ROCK1: variants seen among roughly 807,000 people sequenced by gnomAD.
ROCK1 encodes rho-associated protein kinase 1.
A neutral mutation model predicts 196.8 loss-of-function variants in ROCK1; 36 were observed. The observed-to-expected ratio is 0.18, with a 90% CI of 0.14 to 0.24. ROCK1 has a LOEUF of 0.24. Ranked by LOEUF, ROCK1 falls within the 10% of genes least tolerant of loss-of-function variation. ROCK1 has a pLI of 1.00. For synonymous variants in ROCK1, 443 were observed against 515.9 expected (o/e 0.86, Z 1.91); for missense variants, 920 against 1,562.0 (o/e 0.59, Z 6.93).
At chr18:21,015,873 G>C (rs1019027199) in intron 12 of ROCK1, among the ~76,000 whole-genome samples, 7 of 151,744 alleles carry the variant, frequency 4.6e-5, no homozygotes, top group African/African-American at 1.7e-4. Flanking sequence ...CCAGCTATTT[G>C]GGAGGCCAAG....
intron 2 of ROCK1, among the ~76,000 whole-genome samples, chr18:21,066,503 G>A (rs1156359076): frequency 1.3e-5 from 2 of 152,014 alleles, no homozygotes. Flanking sequence ...GATGCTTTTT[G>A]TATATAGATT....
intron 17 of ROCK1, among the ~76,000 whole-genome samples, chr18:20,992,063 G>A (rs2035631580): frequency 6.6e-6 from 1 of 152,154 alleles, no homozygotes; most frequent in Admixed American, 6.5e-5. Flanking sequence ...AAAGTATCCT[G>A]TGGCAAGTCA....
At chr18:21,076,827 T>G (rs912921726) in intron 1 of ROCK1, among the ~76,000 whole-genome samples, 1 of 152,144 alleles carries the variant, frequency 6.6e-6, no homozygotes, top group Admixed American at 6.5e-5. Flanking sequence ...AGGTCTGCAA[T>G]AGTTCTGGAA....
chr18:21,111,805 G>A lies in ROCK1; in HGVS notation c.-895C>T, dbSNP rs11874761. 0.15 allele frequency: 22,934 copies of A among 151,974 alleles called. 3,772 individuals carry two copies. The highest frequency in any genetic ancestry group is 0.4 in the African/African-American group (16,672 of 41,308). The allele number at this position is 151,974 out of a possible 1,614,324, so 9.4% of individuals were successfully genotyped here. A position where few individuals can be genotyped will look rare whatever the true frequency, so the allele number is the denominator to read the frequency against. On this transcript the variant is annotated 5_prime_UTR_variant, in exon 1 of 33. Transcript: ENST00000399799. The surrounding 1 kb of genome is among the most constrained non-coding windows in gnomAD (Gnocchi z 4.2). ...CTGTTCAAACAAACGGAGACCGCCG[G>A]GGCAGACTGCGCATGCGGGGCGCGG...
At chr18:20,984,642 G>C in intron 19 of ROCK1, 107 bp from the exon 20 acceptor site, 3 of 751,552 alleles carry the variant, frequency 4.0e-6, no homozygotes, top group South Asian at 4.2e-5. Flanking sequence ...CATGGTACTA[G>C]TAGAAAATAT....
At chr18:21,040,033 G>A (rs1213180532) in intron 8 of ROCK1, among the ~76,000 whole-genome samples, 2 of 152,158 alleles carry the variant, frequency 1.3e-5, no homozygotes, top group Non-Finnish European at 2.9e-5. Context: ...CTCCAGCCTG[G>A]ATGAAACACA....
At chr18:20,987,755 G>A (rs1422064228) in intron 18 of ROCK1, among the ~76,000 whole-genome samples, 1 of 152,026 alleles carries the variant, frequency 6.6e-6, no homozygotes, top group Non-Finnish European at 1.5e-5. Context: ...CACCCTCTAG[G>A]TGACAAAATA....
intron 10 of ROCK1, among the ~76,000 whole-genome samples, chr18:21,024,684 C>A (rs1379188980): frequency 6.6e-6 from 1 of 152,106 alleles, no homozygotes; most frequent in Non-Finnish European, 1.5e-5. Context: ...AATCAAGTAT[C>A]CATTAAGTAT....
chr18:21,067,712 CATAA>C (rs1398893914), intron 2 of ROCK1, among the ~76,000 whole-genome samples: 1 of 152,078 alleles, frequency 6.6e-6, no homozygotes, highest in Non-Finnish European at 1.5e-5. Context: ...ATCTTTGAAG[CATAA>C]ATAAAAGTTT....
chr18:20,969,981 C>G (rs2035411194), intron 23 of ROCK1: 1 of 159,702 alleles, frequency 6.3e-6, no homozygotes, highest in South Asian at 1.9e-4. Flanking sequence ...CAAATGGTTT[C>G]TCTATATTTC....
At chr18:21,013,629 G>T (rs1244730300) in intron 13 of ROCK1, among the ~76,000 whole-genome samples, 2 of 152,228 alleles carry the variant, frequency 1.3e-5, no homozygotes, top group Non-Finnish European at 2.9e-5. Flanking sequence ...GGGAGAGAAA[G>T]AAGGTTTGTT....
At chr18:21,045,899 GTTTTTTTT>G (rs34360056) in intron 4 of ROCK1, among the ~76,000 whole-genome samples, 1 of 62,470 alleles carries the variant, frequency 1.6e-5, no homozygotes, top group Non-Finnish European at 2.8e-5. Flanking sequence ...AGTTTCAGCT[GTTTTTTTT>G]TTTTTTTTTT....
chr18:20,976,077 G>C (rs1568372686), intron 22 of ROCK1, among the ~76,000 whole-genome samples: 1 of 152,078 alleles, frequency 6.6e-6, no homozygotes, highest in Non-Finnish European at 1.5e-5. Context: ...CTCAGCCTTT[G>C]TGTCTTCTGA....
chr18:20,996,106 T>TA (rs2035668212), intron 16 of ROCK1, among the ~76,000 whole-genome samples: 1 of 152,068 alleles, frequency 6.6e-6, no homozygotes, highest in African/African-American at 2.4e-5. Context: ...GACAGAGATA[T>TA]AAGACCTTTC....
At chr18:21,095,007 G>A (rs1236418834) in intron 1 of ROCK1, among the ~76,000 whole-genome samples, 8 of 133,358 alleles carry the variant, frequency 6.0e-5, no homozygotes, top group African/African-American at 2.1e-4. Flanking sequence ...CCAAGACTGC[G>A]CCATTGCACT....
At chr18:21,073,659 C>G (rs1193063214) in intron 1 of ROCK1, among the ~76,000 whole-genome samples, 1 of 152,108 alleles carries the variant, frequency 6.6e-6, no homozygotes, top group African/African-American at 2.4e-5. Flanking sequence ...CTAAACCTAA[C>G]AGACATATTT....
intron 19 of ROCK1, among the ~76,000 whole-genome samples, chr18:20,986,041 T>TG (rs1434773704): frequency 6.6e-6 from 1 of 152,032 alleles, no homozygotes; most frequent in Non-Finnish European, 1.5e-5. Flanking sequence ...GTATTTGAGA[T>TG]GGGGTTTCAC....
chr18:21,075,892 G>A (rs1291509377), intron 1 of ROCK1, among the ~76,000 whole-genome samples: 3 of 150,714 alleles, frequency 2.0e-5, no homozygotes, highest in Non-Finnish European at 4.4e-5. Context: ...GGCGGAGGTT[G>A]CAGTGAGCCG....
intron 1 of ROCK1, among the ~76,000 whole-genome samples, chr18:21,105,292 A>T (rs920510396): frequency 1.3e-5 from 2 of 152,244 alleles, no homozygotes; most frequent in African/African-American, 4.8e-5. Flanking sequence ...GAATGAATAA[A>T]AATGAATTAG....
Sources: allele counts gnomAD v4.1 joint callset (sites outside exome capture counted in the v4.1 genomes callset), GRCh38; gene constraint gnomAD v4.1.1; non-coding constraint Gnocchi (gnomAD v3.1); transcripts MANE v1.5; gene names NCBI Gene and HGNC (gene_info 2026-07-23, HGNC 2026-07-21).